NAV3: variants seen among roughly 807,000 people sequenced by gnomAD.
NAV3 encodes pore membrane and/or filament interacting like protein 1.
In NAV3, 87 loss-of-function variants were observed where a neutral mutation model predicts 244.7. The ratio of observed to expected loss-of-function variants is 0.36; its 90% CI spans 0.30 to 0.42. The LOEUF is 0.42. Ranked by LOEUF, NAV3 falls within the 20% of genes least tolerant of loss-of-function variation. The probability of loss-of-function intolerance (pLI) is 1.00; values close to 1 mark genes in which losing one functional copy is unlikely to be tolerated. For synonymous variants in NAV3, 1,126 were observed against 1,042.2 expected, an observed-to-expected ratio of 1.08 and a Z score of -1.55; for missense variants, 2,663 against 2,893.3, an observed-to-expected ratio of 0.92 and a Z score of 1.83.
intron 2 of NAV3, among the ~76,000 whole-genome samples, chr12:77,617,752 A>G (rs1451215154): frequency 6.6e-6 from 1 of 152,208 alleles, no homozygotes; most frequent in Non-Finnish European, 1.5e-5. Context: ...AACAGATGTG[A>G]AAACTGCATT....
intron 9 of NAV3, among the ~76,000 whole-genome samples, chr12:78,031,347 G>A (rs532619913): frequency 2.2e-4 from 33 of 152,190 alleles, no homozygotes; most frequent in Admixed American, 1.0e-3. Context: ...TCTTTGGGGA[G>A]AATTCTCTGC....
chr12:78,064,369 G>A (rs377496859), intron 12 of NAV3, among the ~76,000 whole-genome samples: 1 of 151,674 alleles, frequency 6.6e-6, no homozygotes, highest in Non-Finnish European at 1.5e-5. Context: ...CCTTTCCTCT[G>A]TGCTCCTGGA....
In NAV3 at chr12:77,767,590, G is replaced by T. The variant is rs190411613; in HGVS notation, c.73-172729G>T. On this transcript the variant is annotated intron_variant, in intron 2 of 8. Coordinates refer to the NAV3 transcript ENST00000550042. Reference sequence around the variant, plus strand: ...CAAGCACACTAGCCACTGTGGTGGGGCGGGCAGCTCCAGGTGCCAGCACAG... The same window carrying T: ...CAAGCACACTAGCCACTGTGGTGGGTCGGGCAGCTCCAGGTGCCAGCACAG... Among the ~76,000 whole-genome samples, 80 of 152,306 alleles carry T rather than the reference G, an allele frequency of 5.3e-4. No individual in the cohort carries two copies. The East Asian group carries it at 0.014, about 26-fold the overall frequency.
chr12:78,157,520 C>T (rs1957355849), intron 22 of NAV3, among the ~76,000 whole-genome samples: 1 of 151,864 alleles, frequency 6.6e-6, no homozygotes, highest in African/African-American at 2.4e-5. Context: ...AGGGTTGTGG[C>T]ACTGCACTCC....
At chr12:78,145,539 C>T (rs1015172648) in intron 20 of NAV3, among the ~76,000 whole-genome samples, 3 of 152,172 alleles carry the variant, frequency 2.0e-5, no homozygotes, top group Admixed American at 2.0e-4. Flanking sequence ...ATGCATTCTT[C>T]AGCTTTTCCC....
intron 2 of NAV3, among the ~76,000 whole-genome samples, chr12:77,759,757 A>AT (rs1467563974): frequency 6.0e-5 from 7 of 116,824 alleles, no homozygotes; most frequent in Admixed American, 4.2e-4. Flanking sequence ...AGACGGTCTG[A>AT]TTTTTATTTT....
At chr12:78,031,528 A>G (rs1218191474) in intron 9 of NAV3, among the ~76,000 whole-genome samples, 2 of 152,046 alleles carry the variant, frequency 1.3e-5, no homozygotes. Context: ...AATGTGGCAC[A>G]TATACACCAT....
In NAV3 at chr12:78,145,395, T is replaced by TA. The variant is rs201180262; in HGVS notation, c.4684-968dup. On this transcript the variant is annotated intron_variant, in intron 20 of 39. Coordinates refer to ENST00000397909, the MANE Select transcript of NAV3 (RefSeq NM_001024383.2). Reference sequence around the variant, plus strand: ...TTTATGTTTTCTGAAAGAAAAGCAGTAAAAAACAGTTCAGGTAGTTTTGTG... The same window carrying TA: ...TTTATGTTTTCTGAAAGAAAAGCAGTAAAAAAACAGTTCAGGTAGTTTTGTG... 9.1e-3 allele frequency among the ~76,000 whole-genome samples: 1,387 copies of TA among 152,282 alleles called. 37 individuals are homozygous for TA. Among genetic ancestry groups the TA allele is most frequent in the East Asian group, 0.025 (127 of 5,182 alleles).
chr12:77,866,324 A>G (rs749900299), intron 1 of NAV3, among the ~76,000 whole-genome samples: 7 of 152,220 alleles, frequency 4.6e-5, no homozygotes, highest in Non-Finnish European at 7.3e-5. Flanking sequence ...GAAAGTTCAT[A>G]CAATGTTAGT....
At chr12:78,131,878 T>C (rs746855936) in intron 18 of NAV3, among the ~76,000 whole-genome samples, 3 of 152,144 alleles carry the variant, frequency 2.0e-5, no homozygotes, top group South Asian at 2.1e-4. Context: ...GATCATAGAG[T>C]AGCATTCATC....
chr12:78,082,822 C>A (rs1953426872), intron 12 of NAV3, among the ~76,000 whole-genome samples: 2 of 152,218 alleles, frequency 1.3e-5, no homozygotes, highest in South Asian at 4.1e-4. Context: ...TTAGTAATTT[C>A]TTCTTGAAAC....
rs1427239506 is a variant in NAV3 at position 77,686,063 on chromosome 12, C to A, written c.72+113797C>A. 2.0e-5 allele frequency among the ~76,000 whole-genome samples: 3 copies of A among 152,146 alleles called. No individual in the cohort carries two copies. In the East Asian group the frequency reaches 5.8e-4, roughly 29 times the overall value. On this transcript the variant is annotated intron_variant, in intron 2 of 8. Coordinates refer to the NAV3 transcript ENST00000550042. The stretch of plus-strand genomic sequence containing the variant: ...TCTAGATGTGGAATTCCTCCTCTCC[C>A]ATCATGCCTGATTTTAACTGTCCTG...
chr12:77,915,175 T>A (rs762948162), intron 1 of NAV3, among the ~76,000 whole-genome samples: 9 of 152,064 alleles, frequency 5.9e-5, no homozygotes, highest in Non-Finnish European at 1.3e-4. Flanking sequence ...TCTTTGGCTT[T>A]TGCCTCCTCC....
intron 12 of NAV3, among the ~76,000 whole-genome samples, chr12:78,069,078 T>A (rs919334304): frequency 1.3e-5 from 2 of 152,040 alleles, no homozygotes; most frequent in African/African-American, 2.4e-5. Flanking sequence ...TGCATCTTCC[T>A]CACTCCGGCT....
chr12:77,622,952 GT>G (rs1565741261), intron 2 of NAV3, among the ~76,000 whole-genome samples: 1 of 152,152 alleles, frequency 6.6e-6, no homozygotes, highest in Non-Finnish European at 1.5e-5. Flanking sequence ...TCCAGAGAAG[GT>G]GGTTTTCACA....
chr12:77,812,100 T>C (rs1304707053), intron 2 of NAV3, among the ~76,000 whole-genome samples: 2 of 152,158 alleles, frequency 1.3e-5, no homozygotes, highest in Non-Finnish European at 2.9e-5. Flanking sequence ...TTTTACTGTG[T>C]TCCTTTACTT....
intron 2 of NAV3, among the ~76,000 whole-genome samples, chr12:77,701,268 T>G (rs1053921800): frequency 3.9e-5 from 6 of 151,960 alleles, no homozygotes; most frequent in Admixed American, 2.0e-4. Context: ...TATTGTATTA[T>G]CATTTTGGTA....
intron 1 of NAV3, among the ~76,000 whole-genome samples, chr12:77,833,125 C>CT (rs1238886165): frequency 6.6e-6 from 1 of 151,942 alleles, no homozygotes; most frequent in Non-Finnish European, 1.5e-5. Flanking sequence ...CTTCCCAATT[C>CT]TTTTTCTGTA....
chr12:77,730,501 G>C (rs1877070548), intron 2 of NAV3, among the ~76,000 whole-genome samples: 1 of 151,870 alleles, frequency 6.6e-6, no homozygotes, highest in Non-Finnish European at 1.5e-5. Context: ...ATTGAGGAAA[G>C]TAAACCAAGT....
Sources: gnomAD v4.1 joint callset for allele counts (sites outside exome capture counted in the v4.1 genomes callset) on GRCh38, gnomAD v4.1.1 for gene constraint, MANE v1.5 for transcripts, NCBI Gene and HGNC (gene_info 2026-07-23, HGNC 2026-07-21) for gene names.